The following COX10 variants were observed in gnomAD, a reference collection of about 807,000 sequenced individuals.
The protein encoded by COX10 is protoheme IX farnesyltransferase, mitochondrial.
In COX10, 27 loss-of-function variants were observed where a neutral mutation model predicts 37.3. That is an observed-to-expected ratio of 0.72 (90% CI 0.53 to 1.00). The LOEUF (loss-of-function observed/expected upper bound fraction) is 1.00, where lower values mean the gene tolerates loss of function less well. Ranked by LOEUF, COX10 falls within the 50% of genes least tolerant of loss-of-function variation. The probability of loss-of-function intolerance (pLI) is 0.00; values close to 1 mark genes in which losing one functional copy is unlikely to be tolerated. For missense variants in COX10, 475 were observed against 563.2 expected (o/e 0.84, Z 1.59); for synonymous variants, 222 against 229.1 (o/e 0.97, Z 0.28).
chr17:14,100,727 A>G (rs950568911), intron 3 of COX10, among the ~76,000 whole-genome samples: 2 of 152,256 alleles, frequency 1.3e-5, no homozygotes, highest in East Asian at 3.8e-4. Context: ...AAGAATTTTC[A>G]ATGTTCAAAG....
chr17:14,153,725 C>T (rs1454989261), intron 4 of COX10, among the ~76,000 whole-genome samples: 1 of 152,206 alleles, frequency 6.6e-6, no homozygotes, highest in African/African-American at 2.4e-5. Flanking sequence ...AACACCTCAA[C>T]TATATGATAT....
chr17:14,184,766 G>A (rs1441766318), intron 5 of COX10, among the ~76,000 whole-genome samples: 2 of 152,030 alleles, frequency 1.3e-5, no homozygotes, highest in Admixed American at 6.6e-5. Context: ...CAGGCCGGCC[G>A]CAGTCAGCAC....
chr17:14,155,328 A>G (rs996818811), intron 4 of COX10, among the ~76,000 whole-genome samples: 2 of 11,154 alleles, frequency 1.8e-4, no homozygotes, highest in African/African-American at 3.4e-4. Flanking sequence ...AAACATCTAC[A>G]TAAAAAAAAA....
intron 5 of COX10, among the ~76,000 whole-genome samples, chr17:14,166,672 T>C (rs1905293408): frequency 1.4e-5 from 2 of 146,202 alleles, no homozygotes; most frequent in South Asian, 4.5e-4. Flanking sequence ...AGTACGGTGG[T>C]GCGATCTCAG....
intron 6 of COX10, among the ~76,000 whole-genome samples, chr17:14,199,960 C>T (rs187632111): frequency 1.3e-5 from 2 of 152,170 alleles, no homozygotes; most frequent in African/African-American, 4.8e-5. Context: ...GACGCGCTAC[C>T]GTGGGCCACA....
chr17:14,070,836 C>A (rs1292380500), intron 1 of COX10, among the ~76,000 whole-genome samples: 1 of 152,164 alleles, frequency 6.6e-6, no homozygotes, highest in Non-Finnish European at 1.5e-5. Context: ...ATTGAGTTTA[C>A]TCATCTATAA....
intron 5 of COX10, among the ~76,000 whole-genome samples, chr17:14,180,049 T>C (rs1169124578): frequency 5.3e-5 from 8 of 152,286 alleles, no homozygotes; most frequent in Admixed American, 1.3e-4. Context: ...CAGGAGACAT[T>C]TTTCAAATTT....
chr17:14,108,342 CT>C (rs1176790819), intron 4 of COX10, among the ~76,000 whole-genome samples: 2 of 152,116 alleles, frequency 1.3e-5, no homozygotes, highest in African/African-American at 4.8e-5. Flanking sequence ...AAAGATAGTT[CT>C]TTTGAAAGAT....
intron 4 of COX10, among the ~76,000 whole-genome samples, chr17:14,102,754 TC>T (rs35238392): frequency 6.6e-6 from 1 of 152,088 alleles, no homozygotes; most frequent in Non-Finnish European, 1.5e-5. Flanking sequence ...TTTTAATACA[TC>T]CCCCCCTATT....
intron 6 of COX10, among the ~76,000 whole-genome samples, chr17:14,199,495 C>T (rs1906463715): frequency 6.6e-6 from 1 of 152,084 alleles, no homozygotes; most frequent in Non-Finnish European, 1.5e-5. Flanking sequence ...TTTTTGCTTC[C>T]TTTACTCCCA....
At chr17:14,195,124 A>G (rs1473294940) in intron 6 of COX10, among the ~76,000 whole-genome samples, 1 of 152,274 alleles carries the variant, frequency 6.6e-6, no homozygotes, top group Non-Finnish European at 1.5e-5. Flanking sequence ...AAAGAATACT[A>G]CTAGTTTACA....
In COX10 at chr17:14,188,285, C is replaced by G. The variant is rs535844417; in HGVS notation, c.696-3704C>G. ...GAAGAACAACATTATAATATGTGCACTGCTTTTTAGCCATCTAAAGTTTCC... is the reference window on the plus strand; with the variant it reads ...GAAGAACAACATTATAATATGTGCAGTGCTTTTTAGCCATCTAAAGTTTCC... On this transcript the variant is annotated intron_variant, in intron 5 of 6. Coordinates refer to ENST00000261643, the MANE Select transcript of COX10 (RefSeq NM_001303.4). Among the ~76,000 whole-genome samples the G allele has an allele frequency of 3.2e-3, 477 of 149,998 alleles. 4 individuals are homozygous for G. Among genetic ancestry groups the G allele is most frequent in the African/African-American group, 0.011 (445 of 41,032 alleles).
rs190583682 is a variant in COX10, at chr17:14,153,137, A to G, written c.625-6740A>G. 1.5e-3 allele frequency among the ~76,000 whole-genome samples: 225 copies of G among 152,336 alleles called. 2 individuals are homozygous for G. Among genetic ancestry groups the G allele is most frequent in the Middle Eastern group, 3.4e-3 (1 of 294 alleles). ...TAAATTGACACAACACAGAGCCATC[A>G]TGGTTCACCCTTGTCAGCTTGGCAG... On this transcript the variant is annotated intron_variant, in intron 4 of 6. Transcript: ENST00000261643.
At chr17:14,140,831 G>A (rs1291712311) in intron 4 of COX10, among the ~76,000 whole-genome samples, 1 of 152,026 alleles carries the variant, frequency 6.6e-6, no homozygotes, top group Admixed American at 6.6e-5. Context: ...TTGTTGCAAA[G>A]CTTTCAGAAT....
At chr17:14,144,117 C>T (rs1168509710) in intron 4 of COX10, among the ~76,000 whole-genome samples, 3 of 152,062 alleles carry the variant, frequency 2.0e-5, no homozygotes, top group Non-Finnish European at 4.4e-5. Flanking sequence ...TTTCTCTGGC[C>T]TCCACCCCCA....
intron 4 of COX10, among the ~76,000 whole-genome samples, chr17:14,112,232 A>G (rs887805397): frequency 6.6e-6 from 1 of 152,170 alleles, no homozygotes; most frequent in Non-Finnish European, 1.5e-5. Flanking sequence ...TCAGGCTTTA[A>G]GACTTTAATA....
intron 4 of COX10, among the ~76,000 whole-genome samples, chr17:14,128,876 G>A (rs146594060): frequency 6.6e-6 from 1 of 152,170 alleles, no homozygotes; most frequent in African/African-American, 2.4e-5. Context: ...ACAGAGTCTT[G>A]CTCTGTCGCG....
At chr17:14,171,140 G>A (rs1905453247) in intron 5 of COX10, among the ~76,000 whole-genome samples, 1 of 152,128 alleles carries the variant, frequency 6.6e-6, no homozygotes, top group African/African-American at 2.4e-5. Context: ...ATACTCAGTG[G>A]AAAGTAGAGT....
intron 4 of COX10, among the ~76,000 whole-genome samples, chr17:14,140,098 G>A (rs1904492262): frequency 6.6e-6 from 1 of 152,110 alleles, no homozygotes; most frequent in Non-Finnish European, 1.5e-5. Context: ...AAGATTTAAT[G>A]TGGTTTGGAA....
Sources: allele counts gnomAD v4.1 joint callset (sites outside exome capture counted in the v4.1 genomes callset), GRCh38; gene constraint gnomAD v4.1.1; transcripts MANE v1.5; gene names NCBI Gene and HGNC (gene_info 2026-07-23, HGNC 2026-07-21).